Variants in PIAS2 observed in about 807,000 individuals in gnomAD.
PIAS2 encodes protein inhibitor of activated STAT 2, also known as E3 SUMO-protein ligase PIAS2.
In PIAS2, 19 loss-of-function variants were observed where a neutral mutation model predicts 69.7. The observed-to-expected ratio is 0.27, with a 90% CI of 0.19 to 0.40. PIAS2 has a LOEUF of 0.40. Among genes scored for constraint, PIAS2 ranks in the 10% least tolerant of loss-of-function variants. The pLI is 1.00. For synonymous variants in PIAS2, 261 were observed against 263.2 expected (o/e 0.99, Z 0.08); for missense variants, 624 against 757.0 (o/e 0.82, Z 2.06).
intron 3 of PIAS2, among the ~76,000 whole-genome samples, chr18:46,855,829 T>C (rs1181317846): frequency 6.6e-6 from 1 of 152,154 alleles, no homozygotes; most frequent in Non-Finnish European, 1.5e-5. Flanking sequence ...TATGGCAATT[T>C]TAAGGTACCT....
chr18:46,912,622 A>C (rs2146315348), intron 1 of PIAS2, among the ~76,000 whole-genome samples: 1 of 152,338 alleles, frequency 6.6e-6, no homozygotes, highest in South Asian at 2.1e-4. Context: ...ATAGAAATCA[A>C]AGTCTAGGAC....
Position 46,893,355 on chromosome 18 carries a change from C to G in PIAS2, c.25-2301G>C, listed in dbSNP as rs144369352. The G allele has an allele frequency of 6.4e-5, 27 of 423,866 alleles. No homozygotes were observed. In the East Asian group the frequency reaches 4.1e-3, roughly 64 times the overall value. 26.3% of individuals were successfully genotyped at this position (423,866 alleles called of 1,614,324 possible). On this transcript the variant is annotated intron_variant, in intron 1 of 13. Coordinates refer to ENST00000585916, the MANE Select transcript of PIAS2 (RefSeq NM_004671.5). ...TCACTACTTTGCTTCACTCCTTATA[C>G]TTATTGTCAGATATTCTTCATTTTA...
chr18:46,861,226 G>A (rs573762804), intron 3 of PIAS2, among the ~76,000 whole-genome samples: 2 of 152,252 alleles, frequency 1.3e-5, no homozygotes, highest in South Asian at 2.1e-4. Flanking sequence ...GCGACGGAGT[G>A]AGACTTTGTC....
chr18:46,890,531 A>T (rs1468717548), intron 2 of PIAS2, 49 bp downstream of exon 2: 2 of 1,152,214 alleles, frequency 1.7e-6, no homozygotes, highest in East Asian at 4.7e-5. Flanking sequence ...AAGGTCTCTC[A>T]TTTCATTTAC....
At position 46,829,109 on chromosome 18, in the gene PIAS2, G is replaced by A. The variant is rs182364580; in HGVS notation, c.1336+625C>T. On this transcript the variant is annotated intron_variant, in intron 10 of 13. Coordinates refer to ENST00000585916, the MANE Select transcript of PIAS2 (RefSeq NM_004671.5). The stretch of plus-strand genomic sequence containing the variant: ...AGATAAAAAGAAACTCTAAGTTCAC[G>A]TGTGGGTTTCAATGAGACTGTTAGA... Among the ~76,000 whole-genome samples the A allele has an allele frequency of 7.2e-5, 11 of 152,264 alleles. No individual in the cohort carries two copies. The East Asian group carries it at 1.7e-3, about 24-fold the overall frequency.
At chr18:46,828,688 CAATT>C (rs2043158304) in intron 10 of PIAS2, among the ~76,000 whole-genome samples, 1 of 152,184 alleles carries the variant, frequency 6.6e-6, no homozygotes, top group African/African-American at 2.4e-5. Flanking sequence ...CCAAACCTCT[CAATT>C]AAGTTACTAA....
At chr18:46,831,866 GA>G (rs1213375829) in intron 9 of PIAS2, among the ~76,000 whole-genome samples, 3 of 152,062 alleles carry the variant, frequency 2.0e-5, no homozygotes, top group Non-Finnish European at 4.4e-5. Context: ...AGGAAGCTCA[GA>G]AAAAATATTT....
At chr18:46,916,775 C>T in intron 1 of PIAS2, 1 of 973,216 alleles carries the variant, frequency 1.0e-6, no homozygotes, top group Non-Finnish European at 1.2e-6. Context: ...CATTAGGTTC[C>T]TCGAAGATGT....
Position 46,808,177 on chromosome 18 carries a change from T to C in PIAS2, c.*4256A>G, listed in dbSNP as rs947036476. ...GGTTGCGGGGAAAAACCCCAAGATA[T>C]AAATTACACTGAGAATGATGAAACT... is the stretch of plus-strand genomic sequence containing the variant. On this transcript the variant is annotated 3_prime_UTR_variant, in exon 14 of 14. Transcript: ENST00000585916. 1.3e-5 allele frequency: 2 copies of C among 152,146 alleles called. No homozygotes were observed. The highest frequency in any genetic ancestry group is 1.5e-5 in the Non-Finnish European group (1 of 68,022). 9.4% of individuals were successfully genotyped at this position (152,146 alleles called of 1,614,324 possible).
rs1158727456 is a variant in PIAS2, at chr18:46,879,902, A to G, written c.499+10678T>C. Reference sequence around the variant, plus strand: ...TAGAGTAGTCAGAATCTTAGAAAGCAAGATGGTGGTTGCCAGGAGCTGGGG... The same window carrying G: ...TAGAGTAGTCAGAATCTTAGAAAGCGAGATGGTGGTTGCCAGGAGCTGGGG... On this transcript the variant is annotated intron_variant, in intron 2 of 13. Transcript: ENST00000585916. Among the ~76,000 whole-genome samples, 3 of 152,148 alleles carry G rather than the reference A, an allele frequency of 2.0e-5. No homozygotes were observed. In the East Asian group the frequency reaches 5.8e-4, roughly 29 times the overall value.
Position 46,855,103 on chromosome 18 carries a change from T to TAAAAA in PIAS2, c.726+237_726+241dup, listed in dbSNP as rs59957336. ...GGAACACAGTAGGACCTTGTCTCTT[T>TAAAAA]AAAAAAAAAAAAAAAAAAAAAAAAA... On this transcript the variant is annotated intron_variant, in intron 5 of 13. Coordinates refer to ENST00000585916, the MANE Select transcript of PIAS2 (RefSeq NM_004671.5). 9.6e-3 allele frequency among the ~76,000 whole-genome samples: 729 copies of TAAAAA among 76,314 alleles called. 25 individuals carry two copies. Among genetic ancestry groups the TAAAAA allele is most frequent in the East Asian group, 0.023 (58 of 2,472 alleles). The allele number at this position is 76,314 out of a possible 152,430, so 50.1% of individuals were successfully genotyped here.
At chr18:46,912,146 G>C (rs116640407) in intron 1 of PIAS2, among the ~76,000 whole-genome samples, 1 of 152,128 alleles carries the variant, frequency 6.6e-6, no homozygotes, top group South Asian at 2.1e-4. Context: ...GAAAGGGATC[G>C]GTGTTATATC....
At chr18:46,828,279 T>A in intron 10 of PIAS2, 149 bp from the exon 11 acceptor site, 1 of 593,592 alleles carries the variant, frequency 1.7e-6, no homozygotes, top group Non-Finnish European at 2.7e-6. Context: ...AAATACCAAC[T>A]CCCTAACTCC....
intron 9 of PIAS2, 102 bp downstream of exon 9, chr18:46,836,255 T>G: frequency 1.2e-6 from 1 of 829,364 alleles, no homozygotes; most frequent in Admixed American, 2.1e-5. Flanking sequence ...TATGCTAGAG[T>G]AGAATTTATT....
chr18:46,888,934 C>T (rs1265421400), intron 2 of PIAS2, among the ~76,000 whole-genome samples: 1 of 152,184 alleles, frequency 6.6e-6, no homozygotes, highest in Non-Finnish European at 1.5e-5. Context: ...TAAAACCTCA[C>T]ATACATGGTC....
At chr18:46,873,331 G>A (rs553638397) in intron 2 of PIAS2, among the ~76,000 whole-genome samples, 29 of 152,318 alleles carry the variant, frequency 1.9e-4, no homozygotes, top group Non-Finnish European at 3.8e-4. Flanking sequence ...GGCCCTGGGC[G>A]TAAATGTTTA....
At chr18:46,884,296 C>T (rs1264390770) in intron 2 of PIAS2, among the ~76,000 whole-genome samples, 1 of 151,824 alleles carries the variant, frequency 6.6e-6, no homozygotes, top group Non-Finnish European at 1.5e-5. Flanking sequence ...CCCAAAGGAT[C>T]TCATGTTTTA....
intron 2 of PIAS2, among the ~76,000 whole-genome samples, chr18:46,888,837 G>A (rs371201517): frequency 4.6e-5 from 7 of 152,140 alleles, no homozygotes; most frequent in Admixed American, 2.6e-4. Flanking sequence ...CTCACCTCCC[G>A]CTGTGCGACC....
At chr18:46,869,617 G>C (rs556278268) in intron 2 of PIAS2, among the ~76,000 whole-genome samples, 179 of 152,282 alleles carry the variant, frequency 1.2e-3, no homozygotes, top group African/African-American at 4.3e-3. Context: ...TAAAGCTAGT[G>C]ATGATAACAA....
Sources: gnomAD v4.1 joint callset for allele counts (sites outside exome capture counted in the v4.1 genomes callset) on GRCh38, gnomAD v4.1.1 for gene constraint, MANE v1.5 for transcripts, NCBI Gene and HGNC (gene_info 2026-07-23, HGNC 2026-07-21) for gene names.